The following CBFA2T3 variants were observed in gnomAD, a reference collection of about 807,000 sequenced individuals.
CBFA2T3 encodes transcriptional corepressor CBFA2T3.
CBFA2T3 carries 31 observed loss-of-function variants against 58.6 expected under a neutral mutation model. The ratio of observed to expected loss-of-function variants is 0.53; its 90% confidence interval spans 0.40 to 0.71. CBFA2T3 has a LOEUF of 0.71. CBFA2T3 is among the 30% of genes least tolerant of loss of function. CBFA2T3 has a pLI of 0.00. For missense variants in CBFA2T3, 1,076 were observed against 963.1 expected, an observed-to-expected ratio of 1.12 and a Z score of -1.55; for synonymous variants, 531 against 421.9, an observed-to-expected ratio of 1.26 and a Z score of -3.17.
rs541678336 is a variant in CBFA2T3, at chr16:88,926,010, GC to G, written c.152-24355del. On this transcript the variant is annotated intron_variant, in intron 1 of 11. Transcript: ENST00000268679. The stretch of plus-strand genomic sequence containing the variant: ...GCCTCGAACTGGCACCATCTCTTCT[GC>G]CCCCTGGAAGGTCAGCTCCGTGAGA... Among the ~76,000 whole-genome samples the G allele has an allele frequency of 3.3e-5, 5 of 152,352 alleles. No homozygotes were observed. In the South Asian group the frequency reaches 1.0e-3, roughly 32 times the overall value.
In CBFA2T3 at chr16:88,889,693, T is replaced by C. The variant is rs1001410296; in HGVS notation, c.711+2189A>G. ...GACCTTCCTGAAGCACTCCTCCTCCTCCAGGGACGACACCCCGCGATTCCT... is the reference window on the plus strand; with the variant it reads ...GACCTTCCTGAAGCACTCCTCCTCCCCCAGGGACGACACCCCGCGATTCCT... On this transcript the variant is annotated intron_variant, in intron 5 of 11. Transcript: ENST00000268679. Among the ~76,000 whole-genome samples, 25 of 151,906 alleles carry C rather than the reference T, an allele frequency of 1.6e-4. No homozygotes were observed. In the South Asian group the frequency reaches 3.3e-3, roughly 20 times the overall value.
rs1311809000 is a variant in CBFA2T3, at chr16:88,917,116, GAGA to G, written c.152-15463_152-15461del. On this transcript the variant is annotated intron_variant, in intron 1 of 11. Transcript: ENST00000268679. ...AAAAGAAAAAAGAAAAAGGAAAAAAGAGAAGAACTGGTGGAATCTGAGATCATC... is the reference window on the plus strand; with the variant it reads ...AAAAGAAAAAAGAAAAAGGAAAAAAGAGAACTGGTGGAATCTGAGATCATC... Among the ~76,000 whole-genome samples, 3 of 151,614 alleles carry G rather than the reference GAGA, an allele frequency of 2.0e-5. No homozygotes were observed. In the East Asian group the frequency reaches 5.8e-4, roughly 29 times the overall value.
intron 1 of CBFA2T3, among the ~76,000 whole-genome samples, chr16:88,920,767 G>T (rs976322011): frequency 5.3e-5 from 8 of 152,166 alleles, no homozygotes; most frequent in African/African-American, 1.9e-4. Context: ...AGGAGGACTG[G>T]GTCCCCAGCC....
intron 5 of CBFA2T3, among the ~76,000 whole-genome samples, chr16:88,890,425 C>T (rs1969583598): frequency 6.6e-6 from 1 of 152,200 alleles, no homozygotes; most frequent in South Asian, 2.1e-4. Context: ...GAGATGGAGC[C>T]CACAGCAGTA....
intron 1 of CBFA2T3, among the ~76,000 whole-genome samples, chr16:88,906,477 A>T (rs1339989882): frequency 7.2e-6 from 1 of 139,794 alleles, no homozygotes; most frequent in Non-Finnish European, 1.5e-5. Context: ...CACGGAGGTG[A>T]ATAAGTCATC....
chr16:88,933,884 G>A (rs1336243404), intron 1 of CBFA2T3, among the ~76,000 whole-genome samples: 4 of 152,032 alleles, frequency 2.6e-5, no homozygotes, highest in South Asian at 4.1e-4. Context: ...GCACAAGACC[G>A]GCACGAGGAG....
chr16:88,912,521 C>T (rs1222879387), intron 1 of CBFA2T3, among the ~76,000 whole-genome samples: 1 of 152,230 alleles, frequency 6.6e-6, no homozygotes, highest in Non-Finnish European at 1.5e-5. Context: ...CTCAGAGAAG[C>T]CTTCCCTGAC....
At chr16:88,907,542 C>A (rs1416978538) in intron 1 of CBFA2T3, among the ~76,000 whole-genome samples, 1 of 152,234 alleles carries the variant, frequency 6.6e-6, no homozygotes, top group African/African-American at 2.4e-5. Flanking sequence ...TGAGATCCTG[C>A]GCTTCTCTAT....
chr16:88,917,223 G>A (rs1026848593), intron 1 of CBFA2T3, among the ~76,000 whole-genome samples: 1 of 152,236 alleles, frequency 6.6e-6, no homozygotes, highest in Non-Finnish European at 1.5e-5. Flanking sequence ...CTGGACTTAG[G>A]TGTGGAGCAG....
chr16:88,967,983 T>A (rs2142878606), intron 1 of CBFA2T3, among the ~76,000 whole-genome samples: 1 of 152,350 alleles, frequency 6.6e-6, no homozygotes, highest in South Asian at 2.1e-4. Flanking sequence ...CATGTTCAGT[T>A]TATAAACTTT....
intron 3 of CBFA2T3, among the ~76,000 whole-genome samples, chr16:88,897,397 T>A (rs1421208917): frequency 2.0e-5 from 3 of 152,256 alleles, no homozygotes; most frequent in Admixed American, 6.5e-5. Context: ...GACCGGAGTC[T>A]GTCTGATGGG....
chr16:88,897,217 C>T (rs1375006716), intron 3 of CBFA2T3, among the ~76,000 whole-genome samples: 1 of 152,258 alleles, frequency 6.6e-6, no homozygotes, highest in African/African-American at 2.4e-5. Context: ...CCAGGAGCTG[C>T]ACGCCAGGCG....
In CBFA2T3 at chr16:88,879,392, G is replaced by A. The variant is rs760316068; in HGVS notation, c.1540C>T (p.Arg514Cys). ...ELQKAVSDAERKAHELITTER... is the reference protein window; with the variant it reads ...ELQKAVSDAECKAHELITTER... ...GTGGTGATGAGCTCGTGCGCTTTGCGCTCCGCGTCCGACACGGCTTTCTGC... is the reference window on the plus strand; with the variant it reads ...GTGGTGATGAGCTCGTGCGCTTTGCACTCCGCGTCCGACACGGCTTTCTGC... Residue 514 changes from arginine (R) to cysteine (C), a missense_variant, in exon 11 of 12, where the codon CGC (arginine) becomes TGC (cysteine). Transcript: ENST00000268679. 15 of 1,612,794 alleles carry A rather than the reference G, an allele frequency of 9.3e-6. No individual in the cohort carries two copies. The highest frequency in any genetic ancestry group is 9.3e-6 in the Non-Finnish European group (11 of 1,179,716).
At chr16:88,935,261 GCT>G (rs1316091564) in intron 1 of CBFA2T3, among the ~76,000 whole-genome samples, 2 of 152,198 alleles carry the variant, frequency 1.3e-5, no homozygotes. Flanking sequence ...TGTCCACTGC[GCT>G]CTGAGTACAG....
At position 88,875,774 on chromosome 16, in the gene CBFA2T3, C is replaced by A; in HGVS notation, c.*1202G>T. The A allele has an allele frequency of 4.3e-6, 1 of 233,520 alleles. No homozygotes were observed. The highest frequency in any genetic ancestry group is 8.5e-6 in the Non-Finnish European group (1 of 118,042). The allele number at this position is 233,520 out of a possible 1,614,324, so 14.5% of individuals were successfully genotyped here. ...CCAAAAGATTGTCACAGTTTTGTTT[C>A]GGAATTATGCTCTCTCTGGGAAGAA... On this transcript the variant is annotated 3_prime_UTR_variant, in exon 12 of 12. Transcript: ENST00000268679.
intron 5 of CBFA2T3, among the ~76,000 whole-genome samples, chr16:88,889,689 C>T (rs1159250600): frequency 6.6e-6 from 1 of 152,032 alleles, no homozygotes. Flanking sequence ...AGCACTCCTC[C>T]TCCTCCAGGG....
At chr16:88,965,961 G>A (rs931418195) in intron 1 of CBFA2T3, among the ~76,000 whole-genome samples, 5 of 152,224 alleles carry the variant, frequency 3.3e-5, no homozygotes, top group Non-Finnish European at 7.3e-5. Context: ...TCCTCTGTGG[G>A]CTGATGTCAG....
Position 88,901,498 on chromosome 16 carries a change from A to T in CBFA2T3, c.304+6T>A. 1 of 1,456,664 alleles carries T rather than the reference A, an allele frequency of 6.9e-7. No individual in the cohort carries two copies. Among genetic ancestry groups the T allele is most frequent in the Non-Finnish European group, 9.1e-7 (1 of 1,102,560 alleles). The allele number at this position is 1,456,664 out of a possible 1,614,324, so 90.2% of individuals were successfully genotyped here. A position where few individuals can be genotyped will look rare whatever the true frequency, so the allele number is the denominator to read the frequency against. The stretch of plus-strand genomic sequence containing the variant: ...GGCCCTCGGCTGCCAGGTGGGGGCT[A>T]CTTACGTGTGTGTGGCGTGAAGGAG... On this transcript the variant is annotated splice_donor_region_variant and intron_variant, in intron 2 of 11. Transcript: ENST00000268679.
At chr16:88,971,856 G>A (rs1472449332) in intron 1 of CBFA2T3, among the ~76,000 whole-genome samples, 1 of 152,202 alleles carries the variant, frequency 6.6e-6, no homozygotes, top group African/African-American at 2.4e-5. Context: ...GCGCCTCCCC[G>A]GTCAACTGCA....
Sources: gnomAD v4.1 joint callset for allele counts (sites outside exome capture counted in the v4.1 genomes callset) on GRCh38, gnomAD v4.1.1 for gene constraint, MANE v1.5 for transcripts, NCBI Gene and HGNC (gene_info 2026-07-23, HGNC 2026-07-21) for gene names.